The following DMD variants were observed in gnomAD, a reference collection of about 807,000 sequenced individuals.
DMD encodes the protein dystrophin.
In DMD, 63 loss-of-function variants were observed where a neutral mutation model predicts 330.1. The ratio of observed to expected loss-of-function variants is 0.19; its 90% confidence interval spans 0.16 to 0.24. The LOEUF is 0.24. Among genes scored for constraint, DMD ranks in the 10% least tolerant of loss-of-function variants. The pLI is 1.00. For missense variants in DMD, 3,344 were observed against 2,684.1 expected, an observed-to-expected ratio of 1.25 and a Z score of -5.43; for synonymous variants, 1,223 against 959.8, an observed-to-expected ratio of 1.27 and a Z score of -5.07.
intron 59 of DMD, among the ~76,000 whole-genome samples, chrX:31,473,448 G>A (rs1410725995): frequency 5.5e-5 from 6 of 108,896 alleles, no homozygotes; most frequent in Non-Finnish European, 1.1e-4. Context: ...CTGGCCGGGA[G>A]CGGTGGCTCA....
intron 2 of DMD, among the ~76,000 whole-genome samples, chrX:32,856,972 G>T (rs1326761201): frequency 1.8e-5 from 2 of 110,335 alleles, no homozygotes; most frequent in African/African-American, 6.6e-5. Context: ...CTACTTGGGA[G>T]GCTGAGGCAG....
intron 45 of DMD, among the ~76,000 whole-genome samples, chrX:31,941,319 C>G (rs942780445): frequency 1.8e-5 from 2 of 111,538 alleles, no homozygotes; most frequent in Non-Finnish European, 3.8e-5. Context: ...ATTCAAACAC[C>G]ATCATCTTCC....
At chrX:31,372,258 G>T (rs1245700516) in intron 60 of DMD, among the ~76,000 whole-genome samples, 6 of 112,091 alleles carry the variant, frequency 5.4e-5, no homozygotes, top group Admixed American at 3.8e-4. Context: ...ACAGCAATTG[G>T]CTGACCAGAT....
intron 1 of DMD, among the ~76,000 whole-genome samples, chrX:33,185,786 T>G (rs1302167004): frequency 8.9e-6 from 1 of 111,933 alleles, no homozygotes; most frequent in African/African-American, 3.2e-5. Context: ...TCACGGTGAT[T>G]AGCTATTAAC....
intron 46 of DMD, among the ~76,000 whole-genome samples, chrX:31,930,987 G>A (rs754193579): frequency 5.0e-4 from 56 of 111,787 alleles, no homozygotes; most frequent in African/African-American, 1.5e-3. Context: ...ATTGAATTAC[G>A]CCATATTTTA....
At chrX:32,716,154 T>C (rs957131006) in intron 7 of DMD, among the ~76,000 whole-genome samples, 4 of 111,489 alleles carry the variant, frequency 3.6e-5, no homozygotes, top group Middle Eastern at 9.3e-3. Context: ...GTATTTATTG[T>C]TTGAGTCATT....
At chrX:32,844,895 CAG>C in intron 3 of DMD, 35 bp from the exon 4 acceptor site, 1 of 1,076,883 alleles carries the variant, frequency 9.3e-7, no homozygotes, top group African/African-American at 1.8e-5. Context: ...CACTGACCAG[CAG>C]AGAGACCGAC....
At chrX:31,797,986 T>G (rs776554195) in intron 50 of DMD, among the ~76,000 whole-genome samples, 1 of 112,359 alleles carries the variant, frequency 8.9e-6, no homozygotes, top group South Asian at 3.7e-4. Flanking sequence ...TTTCCGCTAC[T>G]GCAATATTTT....
At chrX:32,687,324 T>A (rs1249357747) in intron 9 of DMD, among the ~76,000 whole-genome samples, 5 of 111,985 alleles carry the variant, frequency 4.5e-5, no homozygotes, top group African/African-American at 6.5e-5. Flanking sequence ...TCTGACAGAT[T>A]GTATTTTTTT....
intron 2 of DMD, among the ~76,000 whole-genome samples, chrX:32,938,278 G>A (rs1041332230): frequency 3.6e-5 from 4 of 111,328 alleles, no homozygotes; most frequent in African/African-American, 9.8e-5. Flanking sequence ...TTTGGGGTTG[G>A]GGGAAATAAT....
At chrX:31,434,421 CACACACACACACA>C in intron 60 of DMD, among the ~76,000 whole-genome samples, 2 of 12,833 alleles carry the variant, frequency 1.6e-4, no homozygotes, top group African/African-American at 7.7e-4. Context: ...CGCGCGCGCA[CACACACACACACA>C]CACACACACA....
chrX:32,730,183 A>G (rs888790886), intron 7 of DMD, among the ~76,000 whole-genome samples: 1 of 111,726 alleles, frequency 9.0e-6, no homozygotes, highest in African/African-American at 3.3e-5. Context: ...ATAACAATAA[A>G]AAATTGTTTA....
chrX:31,396,161 G>A (rs1475322895), intron 60 of DMD, among the ~76,000 whole-genome samples: 1 of 97,468 alleles, frequency 1.0e-5, no homozygotes, highest in Non-Finnish European at 2.0e-5. Context: ...TTTTTGAGAC[G>A]GAGTCTCGCT....
At chrX:32,606,573 A>T (rs1339153547) in intron 12 of DMD, among the ~76,000 whole-genome samples, 1 of 109,752 alleles carries the variant, frequency 9.1e-6, no homozygotes, top group East Asian at 2.8e-4. Context: ...CAACAAAAAC[A>T]ACAAAAAGTG....
chrX:32,307,032 C>A (rs942870674), intron 42 of DMD, among the ~76,000 whole-genome samples: 15 of 111,393 alleles, frequency 1.3e-4, no homozygotes, highest in African/African-American at 4.9e-4. Flanking sequence ...GAATTCCACT[C>A]CAAAGGCATG....
chrX:32,282,105 T>C (rs909768339), intron 43 of DMD, among the ~76,000 whole-genome samples: 2 of 112,187 alleles, frequency 1.8e-5, no homozygotes, highest in Non-Finnish European at 3.8e-5. Flanking sequence ...ATTTTGATGA[T>C]AGCATTTGAA....
chrX:31,481,498 T>A (rs1383600273), intron 57 of DMD, among the ~76,000 whole-genome samples: 4 of 111,826 alleles, frequency 3.6e-5, no homozygotes, highest in African/African-American at 1.3e-4. Flanking sequence ...ATTTGGTGAC[T>A]GAATAGATGC....
At chrX:32,772,803 C>G (rs112553141) in intron 7 of DMD, among the ~76,000 whole-genome samples, 4,321 of 111,579 alleles carry the variant, frequency 0.039, 80 homozygotes, top group Middle Eastern at 0.065. Flanking sequence ...AGCAAGAGTC[C>G]CTTATGCCAA....
chrX:32,669,526 C>G (rs2061506564), intron 9 of DMD, among the ~76,000 whole-genome samples: 1 of 111,701 alleles, frequency 9.0e-6, no homozygotes, highest in African/African-American at 3.3e-5. Context: ...TTTGATTGTA[C>G]TTTTTTTCTC....
Sources: gnomAD v4.1 joint callset for allele counts (sites outside exome capture counted in the v4.1 genomes callset) on GRCh38, gnomAD v4.1.1 for gene constraint, MANE v1.5 for transcripts, NCBI Gene and HGNC (gene_info 2026-07-23, HGNC 2026-07-21) for gene names.